COL25A1: variants seen among roughly 807,000 people sequenced by gnomAD.
COL25A1 encodes collagen alpha-1(XXV) chain.
COL25A1 carries 103 observed loss-of-function variants against 128.4 expected under a neutral mutation model. The ratio of observed to expected loss-of-function variants is 0.80; its 90% CI spans 0.68 to 0.94. The LOEUF (loss-of-function observed/expected upper bound fraction) is 0.94, where lower values mean the gene tolerates loss of function less well. COL25A1 is among the 40% of genes least tolerant of loss of function. The pLI is 0.00. For missense variants in COL25A1, 745 were observed against 840.0 expected, an observed-to-expected ratio of 0.89 and a Z score of 1.40; for synonymous variants, 279 against 277.2, an observed-to-expected ratio of 1.01 and a Z score of -0.06.
At chr4:109,127,052 A>C (rs1768690384) in intron 3 of COL25A1, among the ~76,000 whole-genome samples, 1 of 152,246 alleles carries the variant, frequency 6.6e-6, no homozygotes, top group African/African-American at 2.4e-5. Flanking sequence ...AAAGCTTCAG[A>C]AGAGTGAATA....
At chr4:109,006,914 T>G (rs1358345078) in intron 6 of COL25A1, among the ~76,000 whole-genome samples, 1 of 152,056 alleles carries the variant, frequency 6.6e-6, no homozygotes, top group African/African-American at 2.4e-5. Context: ...TGTGGGGGCT[T>G]GGGGGAAGAA....
chr4:109,183,477 T>C (rs1774858072), intron 3 of COL25A1, among the ~76,000 whole-genome samples: 1 of 152,210 alleles, frequency 6.6e-6, no homozygotes, highest in Non-Finnish European at 1.5e-5. Flanking sequence ...TTTACAAGCT[T>C]GCCTGACTTA....
chr4:108,956,114 G>C (rs1190445294), intron 8 of COL25A1, among the ~76,000 whole-genome samples: 2 of 152,096 alleles, frequency 1.3e-5, no homozygotes, highest in Non-Finnish European at 2.9e-5. Context: ...CCTAAGTTAA[G>C]ATGAGAATAT....
chr4:109,158,264 T>A (rs1772223994), intron 3 of COL25A1, among the ~76,000 whole-genome samples: 6 of 152,066 alleles, frequency 3.9e-5, no homozygotes, highest in Admixed American at 1.3e-4. Flanking sequence ...ATCTTTGTTA[T>A]AATGTTTACC....
intron 19 of COL25A1, among the ~76,000 whole-genome samples, chr4:108,877,582 A>G (rs1739601427): frequency 6.6e-6 from 1 of 152,058 alleles, no homozygotes; most frequent in South Asian, 2.1e-4. Context: ...CTCCTTTGCT[A>G]TTACTTTTAA....
chr4:108,869,863 T>C (rs1179338406), intron 19 of COL25A1, among the ~76,000 whole-genome samples: 4 of 152,194 alleles, frequency 2.6e-5, no homozygotes, highest in Non-Finnish European at 5.9e-5. Context: ...TTTTAAAATA[T>C]ATTTGATTTC....
At chr4:108,868,577 GA>G (rs1166053486) in intron 20 of COL25A1, among the ~76,000 whole-genome samples, 2 of 102,814 alleles carry the variant, frequency 1.9e-5, no homozygotes, top group Non-Finnish European at 4.1e-5. Flanking sequence ...AAGAGAGAGA[GA>G]AAGAAGGAAG....
At chr4:108,953,736 T>C (rs1749735725) in intron 8 of COL25A1, among the ~76,000 whole-genome samples, 3 of 152,180 alleles carry the variant, frequency 2.0e-5, no homozygotes. Flanking sequence ...CAGATTTTGA[T>C]GTTTGTTAAC....
At chr4:109,174,942 A>T (rs2126136305) in intron 3 of COL25A1, among the ~76,000 whole-genome samples, 1 of 152,316 alleles carries the variant, frequency 6.6e-6, no homozygotes. Context: ...CAGTGGTAGT[A>T]GATTCTCATA....
intron 3 of COL25A1, among the ~76,000 whole-genome samples, chr4:109,255,873 T>C (rs1243422321): frequency 1.3e-5 from 2 of 152,218 alleles, no homozygotes; most frequent in African/African-American, 4.8e-5. Context: ...CATTCTGCTC[T>C]TGCACCCTTA....
intron 11 of COL25A1, among the ~76,000 whole-genome samples, chr4:108,930,857 C>A (rs1475052440): frequency 6.6e-6 from 1 of 152,158 alleles, no homozygotes. Flanking sequence ...TATAAGGACT[C>A]CCATTTTTCC....
chr4:109,106,684 A>G (rs3113711), intron 3 of COL25A1, among the ~76,000 whole-genome samples: 32,754 of 149,870 alleles, frequency 0.22, 4,234 homozygotes, highest in East Asian at 0.39. Flanking sequence ...AAAAGTTCTC[A>G]CCAAAATGGA....
At chr4:108,992,090 G>A (rs192522886) in intron 6 of COL25A1, among the ~76,000 whole-genome samples, 2 of 152,274 alleles carry the variant, frequency 1.3e-5, no homozygotes, top group Non-Finnish European at 2.9e-5. Context: ...AAGCCCCTGT[G>A]TGCAGTTGTC....
At chr4:109,021,828 T>C in intron 5 of COL25A1, 1 of 446,698 alleles carries the variant, frequency 2.2e-6, no homozygotes, top group Non-Finnish European at 4.5e-6. Flanking sequence ...GCGGTTGAGA[T>C]AAGGACTGAG....
intron 3 of COL25A1, among the ~76,000 whole-genome samples, chr4:109,300,013 T>G (rs1725349997): frequency 6.6e-6 from 1 of 152,252 alleles, no homozygotes; most frequent in East Asian, 1.9e-4. Flanking sequence ...TCACTGAGAA[T>G]GCAAGAGTTT....
chr4:109,231,462 T>G (rs932513961), intron 3 of COL25A1, among the ~76,000 whole-genome samples: 1 of 152,170 alleles, frequency 6.6e-6, no homozygotes, highest in Non-Finnish European at 1.5e-5. Context: ...CATTCTTGTT[T>G]GTGGTGTGTA....
chr4:108,992,489 T>G (rs1043855502), intron 6 of COL25A1, among the ~76,000 whole-genome samples: 1 of 152,168 alleles, frequency 6.6e-6, no homozygotes, highest in African/African-American at 2.4e-5. Context: ...ATCTAAGGAA[T>G]GTGTGGTTAT....
At chr4:109,253,646 CA>C (rs980334775) in intron 3 of COL25A1, among the ~76,000 whole-genome samples, 4 of 152,096 alleles carry the variant, frequency 2.6e-5, no homozygotes, top group African/African-American at 9.7e-5. Context: ...TACCATAGTT[CA>C]AAAATTCATA....
At chr4:109,103,231 T>C (rs1026852404) in intron 3 of COL25A1, among the ~76,000 whole-genome samples, 1 of 152,212 alleles carries the variant, frequency 6.6e-6, no homozygotes, top group African/African-American at 2.4e-5. Context: ...TTCAATGTTT[T>C]CATAGAAAGT....
Sources: allele counts gnomAD v4.1 joint callset (sites outside exome capture counted in the v4.1 genomes callset), GRCh38; gene constraint gnomAD v4.1.1; transcripts MANE v1.5; gene names NCBI Gene and HGNC (gene_info 2026-07-23, HGNC 2026-07-21).